The following NAALADL2 variants were observed in gnomAD, a reference collection of about 807,000 sequenced individuals.
NAALADL2 encodes N-acetylated alpha-linked acidic dipeptidase like 2.
A neutral mutation model predicts 87.2 loss-of-function variants in NAALADL2; 76 were observed. The observed-to-expected ratio is 0.87, with a 90% confidence interval of 0.72 to 1.05. The LOEUF (loss-of-function observed/expected upper bound fraction) is 1.05, where lower values mean the gene tolerates loss of function less well. NAALADL2 is among the 50% of genes least tolerant of loss of function. NAALADL2 has a pLI of 0.00. For synonymous variants in NAALADL2, 354 were observed against 331.0 expected, an observed-to-expected ratio of 1.07 and a Z score of -0.75; for missense variants, 1,089 against 945.8, an observed-to-expected ratio of 1.15 and a Z score of -1.99.
At chr3:174,967,124 C>T (rs1197692628) in intron 1 of NAALADL2, among the ~76,000 whole-genome samples, 1 of 152,168 alleles carries the variant, frequency 6.6e-6, no homozygotes, top group Non-Finnish European at 1.5e-5. Context: ...TGGATTATGT[C>T]TAATAAATCG....
At chr3:174,859,701 C>T (rs966685975) in intron 1 of NAALADL2, among the ~76,000 whole-genome samples, 1 of 151,988 alleles carries the variant, frequency 6.6e-6, no homozygotes, top group African/African-American at 2.4e-5. Flanking sequence ...TTGGGGGACC[C>T]GTGGAGGGTA....
chr3:174,443,561 T>C (rs1714821560), intron 1 of NAALADL2, among the ~76,000 whole-genome samples: 2 of 152,222 alleles, frequency 1.3e-5, no homozygotes, highest in Non-Finnish European at 2.9e-5. Flanking sequence ...TGCAGTTAGC[T>C]GGAAGACCAA....
At chr3:175,324,036 A>C (rs796628622) in intron 4 of NAALADL2, 139 bp from the exon 5 acceptor site, 16 of 653,384 alleles carry the variant, frequency 2.4e-5, no homozygotes, top group African/African-American at 8.3e-5. Flanking sequence ...AACAAAAAAA[A>C]AAAAAAAGAA....
intron 2 of NAALADL2, among the ~76,000 whole-genome samples, chr3:174,687,212 C>T (rs962582083): frequency 1.3e-5 from 2 of 152,210 alleles, no homozygotes; most frequent in African/African-American, 2.4e-5. Flanking sequence ...CCTCCTTTCT[C>T]GAGCCTTTTG....
rs1222203525 is a variant in NAALADL2, at chr3:174,987,827, T to TATATATATATATATATATATATATAA, written c.44-108962_44-108961insTATATATATATATATATATATATAAA. Reference sequence around the variant, plus strand: ...ATATATATAATTATATATATATATATAATGAGACCTTGTCTCTCCAAGGTC... The same window carrying TATATATATATATATATATATATATAA: ...ATATATATAATTATATATATATATATATATATATATATATATATATATATAAAATGAGACCTTGTCTCTCCAAGGTC... On this transcript the variant is annotated intron_variant, in intron 1 of 13. Transcript: ENST00000454872. 3.8e-5 allele frequency among the ~76,000 whole-genome samples: 5 copies of TATATATATATATATATATATATATAA among 130,550 alleles called. 1 individual carries two copies. Among genetic ancestry groups the TATATATATATATATATATATATATAA allele is most frequent in the African/African-American group, 1.8e-4 (5 of 27,150 alleles). The allele number at this position is 130,550 out of a possible 152,430, so 85.6% of individuals were successfully genotyped here.
At chr3:174,984,082 A>G (rs2108667404) in intron 1 of NAALADL2, among the ~76,000 whole-genome samples, 1 of 152,056 alleles carries the variant, frequency 6.6e-6, no homozygotes. Flanking sequence ...GATTAGTAAA[A>G]CAAATTATAA....
chr3:175,498,032 GA>G (rs1729046796), intron 9 of NAALADL2, among the ~76,000 whole-genome samples: 1 of 151,988 alleles, frequency 6.6e-6, no homozygotes, highest in Non-Finnish European at 1.5e-5. Context: ...TTCAGTAGCT[GA>G]AAAATGCAAT....
At chr3:175,620,268 G>A (rs1295267570) in intron 10 of NAALADL2, among the ~76,000 whole-genome samples, 1 of 152,274 alleles carries the variant, frequency 6.6e-6, no homozygotes, top group Middle Eastern at 3.4e-3. Context: ...CGACCTGGCA[G>A]GCTGCACTCA....
intron 5 of NAALADL2, among the ~76,000 whole-genome samples, chr3:175,347,811 G>A (rs751527499): frequency 5.3e-5 from 8 of 152,016 alleles, no homozygotes; most frequent in South Asian, 2.1e-4. Context: ...AGGTATACAC[G>A]TGCCATGGTG....
chr3:175,679,189 T>A (rs1735255740), intron 11 of NAALADL2, among the ~76,000 whole-genome samples: 1 of 151,790 alleles, frequency 6.6e-6, no homozygotes, highest in African/African-American at 2.4e-5. Flanking sequence ...TCAGGCCATC[T>A]GGATGTATAC....
At chr3:175,178,958 T>C (rs776867557) in intron 2 of NAALADL2, among the ~76,000 whole-genome samples, 23 of 152,002 alleles carry the variant, frequency 1.5e-4, no homozygotes, top group Admixed American at 3.9e-4. Flanking sequence ...GATTAAGTGA[T>C]TGAAAAGAAT....
At chr3:175,536,176 A>C (rs1734792394) in intron 9 of NAALADL2, among the ~76,000 whole-genome samples, 1 of 152,236 alleles carries the variant, frequency 6.6e-6, no homozygotes, top group South Asian at 2.1e-4. Context: ...CTTAAAATAA[A>C]TTCAAAAGTA....
chr3:175,315,123 C>T (rs1463266400), intron 4 of NAALADL2, among the ~76,000 whole-genome samples: 3 of 152,042 alleles, frequency 2.0e-5, no homozygotes, highest in African/African-American at 7.2e-5. Flanking sequence ...TATAATGTAG[C>T]TTGATGGGAG....
intron 13 of NAALADL2, among the ~76,000 whole-genome samples, chr3:175,762,035 C>T (rs1333193511): frequency 1.3e-5 from 2 of 152,038 alleles, no homozygotes; most frequent in African/African-American, 2.4e-5. Context: ...TCAAATCATG[C>T]TTTTTGTGTC....
chr3:175,087,144 A>C (rs1386398757), intron 1 of NAALADL2, among the ~76,000 whole-genome samples: 1 of 152,264 alleles, frequency 6.6e-6, no homozygotes, highest in Non-Finnish European at 1.5e-5. Context: ...AAAGAATAGC[A>C]AAATCTTGCA....
At chr3:174,505,502 A>G (rs963374692) in intron 1 of NAALADL2, among the ~76,000 whole-genome samples, 1 of 152,192 alleles carries the variant, frequency 6.6e-6, no homozygotes, top group East Asian at 1.9e-4. Flanking sequence ...CCACAGTTTC[A>G]TTCTATTTTC....
intron 3 of NAALADL2, among the ~76,000 whole-genome samples, chr3:174,792,151 G>A (rs767319285): frequency 1.5e-4 from 23 of 152,214 alleles, no homozygotes; most frequent in Admixed American, 9.2e-4. Flanking sequence ...AACCCAGGAG[G>A]CAGAGGTTGC....
intron 1 of NAALADL2, among the ~76,000 whole-genome samples, chr3:175,080,642 A>T (rs776458179): frequency 6.6e-6 from 1 of 152,192 alleles, no homozygotes. Flanking sequence ...TAGTTTTCCT[A>T]AACATTTTGC....
rs375118464 is a variant in NAALADL2, at chr3:174,713,828, T to G, written c.-114-23813T>G. Reference sequence around the variant, plus strand: ...AATTAGATCCCATTTGTCAATTTTGTCTTTTGTTGCCATTGCTTTTGGTGT... The same window carrying G: ...AATTAGATCCCATTTGTCAATTTTGGCTTTTGTTGCCATTGCTTTTGGTGT... On this transcript the variant is annotated intron_variant, in intron 2 of 3. Transcript: ENST00000434257. Among the ~76,000 whole-genome samples the G allele has an allele frequency of 1.1e-4, 16 of 152,074 alleles. No individual in the cohort carries two copies. In the East Asian group the frequency reaches 2.3e-3, roughly 22 times the overall value.
Sources: allele counts gnomAD v4.1 joint callset (sites outside exome capture counted in the v4.1 genomes callset), GRCh38; gene constraint gnomAD v4.1.1; transcripts MANE v1.5; gene names NCBI Gene and HGNC (gene_info 2026-07-23, HGNC 2026-07-21).